The following GNB4 variants were observed in gnomAD, a reference collection of about 807,000 sequenced individuals.
The protein encoded by GNB4 is guanine nucleotide-binding protein subunit beta-4.
Under a neutral mutation model 45.2 loss-of-function variants are expected in GNB4, and 28 were observed. That is an observed-to-expected ratio of 0.62 (90% CI 0.46 to 0.85). The LOEUF is 0.85. Among genes scored for constraint, GNB4 ranks in the 40% least tolerant of loss-of-function variants. GNB4 has a pLI of 0.00. For missense variants in GNB4, 321 were observed against 425.4 expected (o/e 0.75, Z 2.16); for synonymous variants, 132 against 143.7 (o/e 0.92, Z 0.58).
At chr3:179,459,839 C>T in the GNB4 span, among the ~76,000 whole-genome samples, 8 of 152,288 alleles carry the variant, frequency 5.3e-5, no homozygotes, top group East Asian at 1.5e-3. Context: ...AGAAGTTTCT[C>T]TGTCTCACCA....
rs1290359314 is a variant in GNB4 at position 179,398,483 on chromosome 3, T to C, written c.*2730A>G. The C allele has an allele frequency of 6.6e-6, 1 of 150,992 alleles. No homozygotes were observed. Among genetic ancestry groups the C allele is most frequent in the African/African-American group, 2.4e-5 (1 of 40,914 alleles). The allele number at this position is 150,992 out of a possible 1,614,324, so 9.4% of individuals were successfully genotyped here. On this transcript the variant is annotated 3_prime_UTR_variant, in exon 10 of 10. Coordinates refer to ENST00000232564, the MANE Select transcript of GNB4 (RefSeq NM_021629.4). Reference sequence around the variant, plus strand: ...TTGCAATGAGCCAAAATCACACCACTGTACACTCCAGCCTGGGTGACAGAG... The same window carrying C: ...TTGCAATGAGCCAAAATCACACCACCGTACACTCCAGCCTGGGTGACAGAG...
chr3:179,452,154 TC>T (rs1715899005), upstream of GNB4, among the ~76,000 whole-genome samples: 1 of 151,948 alleles, frequency 6.6e-6, no homozygotes, highest in Non-Finnish European at 1.5e-5. Flanking sequence ...TGGAAGGCCT[TC>T]CAGATATCCC....
At chr3:179,487,607 T>C in the GNB4 span, among the ~76,000 whole-genome samples, 1 of 152,158 alleles carries the variant, frequency 6.6e-6, no homozygotes, top group South Asian at 2.1e-4. Context: ...AAATAAGACC[T>C]AAAACCATGC....
chr3:179,480,049 G>C, the GNB4 span, among the ~76,000 whole-genome samples: 4 of 152,304 alleles, frequency 2.6e-5, no homozygotes, highest in African/African-American at 9.6e-5. Flanking sequence ...CACAAGAATA[G>C]GTTTGTTACT....
At position 179,443,868 on chromosome 3, in the gene GNB4, C is replaced by T. The variant is rs1230812720; in HGVS notation, c.-43+7478G>A. Among the ~76,000 whole-genome samples the T allele has an allele frequency of 2.6e-5, 4 of 152,164 alleles. No homozygotes were observed. The South Asian group carries it at 6.2e-4, about 24-fold the overall frequency. On this transcript the variant is annotated intron_variant, in intron 1 of 9. Transcript: ENST00000232564. ...TTCTCTACCCCACCACTAATGTTCT[C>T]GGAATCTATCATTCAAAGGGTCTTA... is the stretch of plus-strand genomic sequence containing the variant.
the GNB4 span, among the ~76,000 whole-genome samples, chr3:179,508,474 T>C: frequency 6.6e-6 from 1 of 152,224 alleles, no homozygotes; most frequent in Non-Finnish European, 1.5e-5. Context: ...AATAGATAGC[T>C]ATCTGCTTAC....
At chr3:179,454,505 C>G (rs1008120199), upstream of GNB4, among the ~76,000 whole-genome samples, 2 of 152,174 alleles carry the variant, frequency 1.3e-5, no homozygotes, top group Admixed American at 1.3e-4. Context: ...TTTTGCTTCA[C>G]TATGATCAAG....
intron 1 of GNB4, among the ~76,000 whole-genome samples, chr3:179,440,013 T>C (rs1183132947): frequency 2.6e-5 from 4 of 152,260 alleles, no homozygotes; most frequent in African/African-American, 9.6e-5. Flanking sequence ...TGAACTGTGA[T>C]AAGATTTTGA....
chr3:179,498,744 G>GCTTGTT, the GNB4 span, among the ~76,000 whole-genome samples: 9 of 80,318 alleles, frequency 1.1e-4, no homozygotes, highest in Admixed American at 1.1e-4. Flanking sequence ...GTTGGTTGAG[G>GCTTGTT]TTTGGTTTTT....
At chr3:179,488,937 T>C in the GNB4 span, among the ~76,000 whole-genome samples, 1 of 129,798 alleles carries the variant, frequency 7.7e-6, no homozygotes, top group African/African-American at 3.0e-5. Flanking sequence ...TAAGCCAAGA[T>C]GGCATCACTG....
the GNB4 span, among the ~76,000 whole-genome samples, chr3:179,485,998 G>A: frequency 6.6e-6 from 1 of 151,924 alleles, no homozygotes; most frequent in Non-Finnish European, 1.5e-5. Context: ...GCCGAGGCAG[G>A]TGAATCACGA....
the GNB4 span, among the ~76,000 whole-genome samples, chr3:179,480,157 G>A: frequency 2.0e-5 from 3 of 152,188 alleles, no homozygotes; most frequent in Non-Finnish European, 4.4e-5. Flanking sequence ...AGCAAGAAAG[G>A]CCTCGCCAGA....
chr3:179,414,597 G>A (rs1278323511), intron 6 of GNB4, among the ~76,000 whole-genome samples: 2 of 152,168 alleles, frequency 1.3e-5, no homozygotes, highest in East Asian at 1.9e-4. Flanking sequence ...TTATATGGCA[G>A]CAGAAAATGG....
At chr3:179,464,767 G>C in the GNB4 span, 1 of 1,277,378 alleles carries the variant, frequency 7.8e-7, no homozygotes, top group Non-Finnish European at 1.1e-6. Flanking sequence ...ATATTGATGA[G>C]AGAAGGATCT....
At chr3:179,496,304 G>A in the GNB4 span, among the ~76,000 whole-genome samples, 1 of 151,830 alleles carries the variant, frequency 6.6e-6, no homozygotes, top group African/African-American at 2.4e-5. Flanking sequence ...TAAAGCAAAA[G>A]CCTATAGTAG....
chr3:179,435,646 C>T (rs1055665726), intron 1 of GNB4, among the ~76,000 whole-genome samples: 1 of 152,180 alleles, frequency 6.6e-6, no homozygotes, highest in Non-Finnish European at 1.5e-5. Flanking sequence ...TTCATAAACA[C>T]AGTGCTCTTA....
the GNB4 span, among the ~76,000 whole-genome samples, chr3:179,513,425 C>T: frequency 2.0e-5 from 3 of 152,134 alleles, no homozygotes; most frequent in East Asian, 5.8e-4. Context: ...CTCAAGTGAT[C>T]CTCTTGCCTT....
chr3:179,512,282 T>C, the GNB4 span, among the ~76,000 whole-genome samples: 3 of 152,236 alleles, frequency 2.0e-5, no homozygotes, highest in Admixed American at 1.3e-4. Flanking sequence ...TCTTCCTTTT[T>C]TTCCAGGACC....
the GNB4 span, among the ~76,000 whole-genome samples, chr3:179,509,168 T>TACACAC: frequency 4.6e-3 from 675 of 146,976 alleles, 7 homozygotes; most frequent in African/African-American, 0.017. Flanking sequence ...TATATATACA[T>TACACAC]ACACACACAC....
Sources: gnomAD v4.1 joint callset for allele counts (sites outside exome capture counted in the v4.1 genomes callset) on GRCh38, gnomAD v4.1.1 for gene constraint, MANE v1.5 for transcripts, NCBI Gene and HGNC (gene_info 2026-07-23, HGNC 2026-07-21) for gene names.